The following ZKSCAN2 variants were observed in gnomAD, a reference collection of about 807,000 sequenced individuals.
ZKSCAN2 encodes the protein zinc finger protein with KRAB and SCAN domains 2.
ZKSCAN2 carries 38 observed loss-of-function variants against 90.5 expected under a neutral mutation model. That is an observed-to-expected ratio of 0.42 (90% CI 0.32 to 0.55). ZKSCAN2 has a LOEUF of 0.55. ZKSCAN2 is among the 20% of genes least tolerant of loss of function. The pLI, the probability that ZKSCAN2 is intolerant of heterozygous loss-of-function variation, is 0.11. For missense variants in ZKSCAN2, 1,167 were observed against 1,202.6 expected (o/e 0.97, Z 0.44); for synonymous variants, 429 against 421.6 (o/e 1.02, Z -0.22).
At chr16:25,255,847 T>G (rs1485207953) in intron 1 of ZKSCAN2, among the ~76,000 whole-genome samples, 1 of 152,142 alleles carries the variant, frequency 6.6e-6, no homozygotes, top group African/African-American at 2.4e-5. Flanking sequence ...CCTCCCAAAG[T>G]GCTGGGATTA....
In ZKSCAN2 at chr16:25,244,003, G is replaced by T; in HGVS notation, c.1763C>A (p.Ser588Tyr). Residue 588 changes from serine (S) to tyrosine (Y), a missense_variant, in exon 6 of 7, where the codon TCT becomes TAT. Physicochemically the swap from Ser to Tyr is moderately radical, Grantham distance 144. Coordinates refer to ENST00000328086, the MANE Select transcript of ZKSCAN2 (RefSeq NM_001012981.5). ...CTCTGGGGTGCTGGGGGAAGGAGCA[G>T]ATGCCCGAGAGTTAATCAGGGCATC... Reference protein sequence around the residue: ...EMDALINSRASAPSPSTPEEV... With the variant: ...EMDALINSRAYAPSPSTPEEV... The T allele has an allele frequency of 6.2e-7, 1 of 1,614,190 alleles. No individual in the cohort carries two copies. The highest frequency in any genetic ancestry group is 2.2e-5 in the East Asian group (1 of 44,884).
Position 25,240,073 on chromosome 16 carries a change from C to T in ZKSCAN2, c.2647G>A (p.Gly883Arg). The change falls in exon 7 of 7, where the codon GGG becomes AGG. Residue 883 changes from glycine (G) to arginine (R), a missense_variant. Coordinates refer to ENST00000328086, the MANE Select transcript of ZKSCAN2 (RefSeq NM_001012981.5). ...TCCACACATTTGTAGGGATTCTCCCCAGTGTGAACTCTCCGGTGGGCGCTG... is the reference window on the plus strand; with the variant it reads ...TCCACACATTTGTAGGGATTCTCCCTAGTGTGAACTCTCCGGTGGGCGCTG... ...HFSAHRRVHT[G>R]ENPYKCVDCE... 6.2e-7 allele frequency: 1 copy of T among 1,614,024 alleles called. No homozygotes were observed. Among genetic ancestry groups the T allele is most frequent in the Non-Finnish European group, 8.5e-7 (1 of 1,180,010 alleles).
intron 2 of ZKSCAN2, 113 bp from the exon 3 acceptor site, chr16:25,253,150 C>T (rs1963046397): frequency 1.2e-6 from 1 of 842,728 alleles, no homozygotes; most frequent in Admixed American, 2.0e-5. Flanking sequence ...ATAAATTCAC[C>T]ATTTTATCTG....
chr16:25,240,141 T>C lies in ZKSCAN2; in HGVS notation c.2579A>G (p.Gln860Arg). 6.2e-7 allele frequency: 1 copy of C among 1,614,086 alleles called. No homozygotes were observed. The highest frequency in any genetic ancestry group is 8.5e-7 in the Non-Finnish European group (1 of 1,180,018). The change falls in exon 7 of 7, where the codon CAG becomes CGG. Residue 860 changes from glutamine to arginine, a missense_variant. Transcript: ENST00000328086. ...GAAACTTTTCCCACACTCTCCACACTGATAGGGCTTCTCACCGGTGTGCGT... is the reference window on the plus strand; with the variant it reads ...GAAACTTTTCCCACACTCTCCACACCGATAGGGCTTCTCACCGGTGTGCGT... Reference protein sequence around the residue: ...QRTHTGEKPYQCGECGKSFTN... With the variant: ...QRTHTGEKPYRCGECGKSFTN...
At chr16:25,249,209 T>C (rs1266118545) in intron 4 of ZKSCAN2, among the ~76,000 whole-genome samples, 2 of 152,212 alleles carry the variant, frequency 1.3e-5, no homozygotes, top group Non-Finnish European at 2.9e-5. Flanking sequence ...GAATAAACTT[T>C]AGTAATCTAT....
rs1252980849 is a variant in ZKSCAN2 at position 25,257,761 on chromosome 16, G to C, written c.-634C>G. ...GCCCGGAAGGGAGAAGAGCTGCGGG[G>C]CGAAGCCAGGGCTCGCAGGGGGCAG... On this transcript the variant is annotated 5_prime_UTR_variant, in exon 1 of 7. Transcript: ENST00000328086. 1 of 153,062 alleles carries C rather than the reference G, an allele frequency of 6.5e-6. No individual in the cohort carries two copies. Among genetic ancestry groups the C allele is most frequent in the African/African-American group, 2.4e-5 (1 of 41,474 alleles). The allele number at this position is 153,062 out of a possible 1,614,324, so 9.5% of individuals were successfully genotyped here. A position where few individuals can be genotyped will look rare whatever the true frequency, so the allele number is the denominator to read the frequency against.
intron 2 of ZKSCAN2, 66 bp downstream of exon 2, chr16:25,255,140 C>A (rs1286379427): frequency 1.3e-6 from 2 of 1,503,922 alleles, no homozygotes; most frequent in Non-Finnish European, 1.8e-6. Context: ...ACATTCACAG[C>A]GTTGGGGTAC....
At chr16:25,252,134 A>C in intron 3 of ZKSCAN2, 99 bp from the exon 4 acceptor site, 1 of 1,378,784 alleles carries the variant, frequency 7.3e-7, no homozygotes, top group African/African-American at 1.5e-5. Flanking sequence ...TAAAGAACTG[A>C]AATCAAGGAA....
intron 4 of ZKSCAN2, 36 bp from the exon 5 acceptor site, chr16:25,247,426 G>A (rs765625271): frequency 6.4e-7 from 1 of 1,555,144 alleles, no homozygotes; most frequent in Non-Finnish European, 8.7e-7. Context: ...GGTAGACATA[G>A]AAGTCATTAC....
intron 4 of ZKSCAN2, among the ~76,000 whole-genome samples, chr16:25,249,414 G>C (rs1350859705): frequency 6.6e-6 from 1 of 152,102 alleles, no homozygotes; most frequent in South Asian, 2.1e-4. Context: ...CTCCCAAGTA[G>C]CTGGGATTAC....
chr16:25,244,303 T>G (rs1280519762), intron 5 of ZKSCAN2, 27 bp from the exon 6 acceptor site: 1 of 1,595,652 alleles, frequency 6.3e-7, no homozygotes, highest in Non-Finnish European at 8.5e-7. Flanking sequence ...AAGTTCACAA[T>G]GTAACAAAGA....
chr16:25,245,236 C>CT (rs1489000238), intron 5 of ZKSCAN2, among the ~76,000 whole-genome samples: 2 of 152,184 alleles, frequency 1.3e-5, no homozygotes, highest in African/African-American at 4.8e-5. Context: ...TCCTGAGTAG[C>CT]TGGGACTACA....
Position 25,257,823 on chromosome 16 carries a change from C to A in ZKSCAN2, c.-696G>T, listed in dbSNP as rs1370885122. On this transcript the variant is annotated 5_prime_UTR_variant, in exon 1 of 7. Coordinates refer to ENST00000328086, the MANE Select transcript of ZKSCAN2 (RefSeq NM_001012981.5). The stretch of plus-strand genomic sequence containing the variant: ...TCGCGTTCGGCCTCGTCCACTCGGC[C>A]CGCGGAGAGCGCGGGGGGCGCTGGG... 1.3e-5 allele frequency: 2 copies of A among 152,072 alleles called. No homozygotes were observed. Among genetic ancestry groups the A allele is most frequent in the Admixed American group, 6.5e-5 (1 of 15,270 alleles). 9.4% of individuals were successfully genotyped at this position (152,072 alleles called of 1,614,324 possible). A position where few individuals can be genotyped will look rare whatever the true frequency, so the allele number is the denominator to read the frequency against.
intron 5 of ZKSCAN2, among the ~76,000 whole-genome samples, chr16:25,245,423 GT>G (rs1449883267): frequency 6.6e-6 from 1 of 152,146 alleles, no homozygotes; most frequent in Non-Finnish European, 1.5e-5. Flanking sequence ...TTTTGAATGG[GT>G]TTAGTCATGG....
rs778686410 is a variant in ZKSCAN2, at chr16:25,252,935, T to C, written c.678+11A>G. 6 of 1,607,522 alleles carry C rather than the reference T, an allele frequency of 3.7e-6. No individual in the cohort carries two copies. The highest frequency in any genetic ancestry group is 2.7e-5 in the African/African-American group (2 of 74,642). ...TCCATCTCAAAGAAAAAAAAGACAA[T>C]TACAATGTACCTGGGACCCAGCAGG... On this transcript the variant is annotated intron_variant, in intron 3 of 6. Coordinates refer to ENST00000328086, the MANE Select transcript of ZKSCAN2 (RefSeq NM_001012981.5).
chr16:25,244,718 A>G lies in ZKSCAN2; in HGVS notation c.1490-442T>C, dbSNP rs144205724. 1.9e-4 allele frequency among the ~76,000 whole-genome samples: 29 copies of G among 152,308 alleles called. 1 individual carries two copies. Among genetic ancestry groups the G allele is most frequent in the Admixed American group, 1.7e-3 (26 of 15,282 alleles). ...TTAAGAATAATGACTAGAATTTCCA[A>G]TAGGAACTTTCCCCCTCAAATTTCC... On this transcript the variant is annotated intron_variant, in intron 5 of 6. Coordinates refer to ENST00000328086, the MANE Select transcript of ZKSCAN2 (RefSeq NM_001012981.5).
chr16:25,237,859 G>A lies in ZKSCAN2; in HGVS notation c.*1957C>T, dbSNP rs1962793772. On this transcript the variant is annotated 3_prime_UTR_variant, in exon 7 of 7. Transcript: ENST00000328086. ...CATCTTCTCTAGAGCTGGAATTCCA[G>A]AACATCTACACAATATAAACACAAG... 1 of 152,004 alleles carries A rather than the reference G, an allele frequency of 6.6e-6. No individual in the cohort carries two copies. 9.4% of individuals were successfully genotyped at this position (152,004 alleles called of 1,614,324 possible).
chr16:25,240,024 C>G lies in ZKSCAN2; in HGVS notation c.2696G>C (p.Cys899Ser). Reference protein sequence around the residue: ...CVDCEKSFNNCTRFREHRRIH... With the variant: ...CVDCEKSFNNSTRFREHRRIH... ...TCTCCGATGTTCTCGAAATCTCGTA[C>G]AGTTATTGAAACTTTTTTCACAGTC... Residue 899 changes from cysteine to serine, a missense_variant, in exon 7 of 7, where the codon TGT becomes TCT. Transcript: ENST00000328086. 6.2e-7 allele frequency: 1 copy of G among 1,614,068 alleles called. No individual in the cohort carries two copies. Among genetic ancestry groups the G allele is most frequent in the Non-Finnish European group, 8.5e-7 (1 of 1,179,966 alleles).
At chr16:25,244,404 C>A in intron 5 of ZKSCAN2, 128 bp from the exon 6 acceptor site, 1 of 941,378 alleles carries the variant, frequency 1.1e-6, no homozygotes, top group Non-Finnish European at 1.6e-6. Context: ...ACTACATATG[C>A]CTAGGAATAA....
Sources: gnomAD v4.1 joint callset for allele counts (sites outside exome capture counted in the v4.1 genomes callset) on GRCh38, gnomAD v4.1.1 for gene constraint, MANE v1.5 for transcripts, NCBI Gene and HGNC (gene_info 2026-07-23, HGNC 2026-07-21) for gene names.